DNAH17: variants seen among roughly 807,000 people sequenced by gnomAD.
The protein encoded by DNAH17 is axonemal beta dynein heavy chain 17.
In DNAH17, 376 loss-of-function variants were observed where a neutral mutation model predicts 485.6. The observed-to-expected ratio is 0.77, with a 90% CI of 0.71 to 0.84. DNAH17 has a LOEUF of 0.84. Among genes scored for constraint, DNAH17 ranks in the 40% least tolerant of loss-of-function variants. DNAH17 has a pLI of 0.00. For missense variants in DNAH17, 6,370 were observed against 5,839.3 expected (o/e 1.09, Z -2.96); for synonymous variants, 3,031 against 2,405.9 (o/e 1.26, Z -7.60).
rs2087058586 is a variant in DNAH17 at position 78,441,141 on chromosome 17, A to G, written c.11587T>C (p.Ser3863Pro). 6.2e-7 allele frequency: 1 copy of G among 1,613,824 alleles called. No individual in the cohort carries two copies. Among genetic ancestry groups the G allele is most frequent in the Non-Finnish European group, 8.5e-7 (1 of 1,179,904 alleles). The change falls in exon 72 of 81, where the codon TCT becomes CCT. Residue 3863 changes from serine (S) to proline (P), a missense_variant. Transcript: ENST00000389840. ...KFVEGRSVEF[S>P]KSYEESSPST... Reference sequence around the variant, plus strand: ...GGGCTGCTCTCCTCGTAGGACTTAGAAAACTCAACACTCCGGCCTTCCACG... The same window carrying G: ...GGGCTGCTCTCCTCGTAGGACTTAGGAAACTCAACACTCCGGCCTTCCACG...
In DNAH17 at chr17:78,514,767, A is replaced by G; in HGVS notation, c.4113+7T>C. 1.2e-6 allele frequency: 2 copies of G among 1,613,228 alleles called. No individual in the cohort carries two copies. The highest frequency in any genetic ancestry group is 1.7e-6 in the Non-Finnish European group (2 of 1,179,474). ...CGGTCCCCTCCGCCCACCATGGTGC[A>G]TGGTACCTGGGTGGCCTGCATGAGC... On this transcript the variant is annotated splice_region_variant and intron_variant, in intron 26 of 80. Coordinates refer to ENST00000389840, the MANE Select transcript of DNAH17 (RefSeq NM_173628.4).
At position 78,532,559 on chromosome 17, in the gene DNAH17, T is replaced by A; in HGVS notation, c.3037A>T (p.Thr1013Ser). 6.2e-7 allele frequency: 1 copy of A among 1,610,764 alleles called. No homozygotes were observed. Among genetic ancestry groups the A allele is most frequent in the Non-Finnish European group, 8.5e-7 (1 of 1,178,570 alleles). Residue 1013 changes from threonine (T) to serine (S), a missense_variant, in exon 20 of 81, where the codon ACT becomes TCT. Transcript: ENST00000389840. ...GTCCAGGTGTCCAAGTCCTCCGCAG[T>A]GACTGCACACCCATATATCAGGAAA... is the stretch of plus-strand genomic sequence containing the variant. ...KNFLIYGCAVTAEDLDTWTDD... is the reference protein window; with the variant it reads ...KNFLIYGCAVSAEDLDTWTDD...
chr17:78,450,016 C>G, intron 68 of DNAH17: 5 of 557,030 alleles, frequency 9.0e-6, no homozygotes, highest in South Asian at 4.6e-5. Context: ...CCTGGAGGCA[C>G]CAGGGGAAGA....
chr17:78,507,837 A>G, intron 27 of DNAH17, 32 bp from the exon 28 acceptor site: 1 of 1,498,230 alleles, frequency 6.7e-7, no homozygotes, highest in Non-Finnish European at 8.9e-7. Flanking sequence ...AAGGTCACTG[A>G]GCATTTGGCA....
At chr17:78,425,746 T>C (rs1183910155) in intron 79 of DNAH17, among the ~76,000 whole-genome samples, 175 bp from the exon 80 acceptor site, 1 of 147,512 alleles carries the variant, frequency 6.8e-6, no homozygotes, top group Non-Finnish European at 1.5e-5. Flanking sequence ...TGACGCAACT[T>C]TGGTGTCTGC....
chr17:78,511,688 T>C (rs1163576410), intron 26 of DNAH17, among the ~76,000 whole-genome samples: 1 of 152,260 alleles, frequency 6.6e-6, no homozygotes, highest in Admixed American at 6.5e-5. Context: ...GAGCATTGAT[T>C]CTGAGCCCAC....
chr17:78,569,436 A>G lies in DNAH17; in HGVS notation c.1136T>C (p.Val379Ala). The G allele has an allele frequency of 2.5e-6, 4 of 1,612,636 alleles. No homozygotes were observed. The highest frequency in any genetic ancestry group is 3.4e-6 in the Non-Finnish European group (4 of 1,179,304). Residue 379 changes from valine (V) to alanine (A), a missense_variant, in exon 8 of 81, where the codon GTG (valine) becomes GCG (alanine). Val to Ala is a moderately conservative substitution (Grantham distance 64). Transcript: ENST00000389840. ...VLSGISLAVN[V>A]LKELYQTYDF... ...GTACGTCTGGTAGAGCTCCTTCAGC[A>G]CATTTACAGCCAGGGAGATGCCACT... is the stretch of plus-strand genomic sequence containing the variant.
intron 33 of DNAH17, 193 bp from the exon 34 acceptor site, chr17:78,502,066 G>A (rs1373042773): frequency 4.4e-6 from 3 of 675,810 alleles, no homozygotes; most frequent in Non-Finnish European, 4.9e-6. Context: ...GGGACACCTG[G>A]CAGTGGCTAG....
At chr17:78,538,781 G>A (rs188955558) in intron 18 of DNAH17, among the ~76,000 whole-genome samples, 126 of 152,248 alleles carry the variant, frequency 8.3e-4, no homozygotes, top group Non-Finnish European at 1.5e-3. Flanking sequence ...TTACCAGCTG[G>A]CATCTGAGAC....
At position 78,460,173 on chromosome 17, in the gene DNAH17, T is replaced by C; in HGVS notation, c.9424A>G (p.Thr3142Ala). ...ALLAAQEALDTLNKNNLTELK... is the reference protein window; with the variant it reads ...ALLAAQEALDALNKNNLTELK... The stretch of plus-strand genomic sequence containing the variant: ...CCCTCCCCCTTTACCTTATTCAGAG[T>C]GTCCAGAGCCTCCTGGGCTGCCAGC... The change falls in exon 59 of 81, where the codon ACT becomes GCT. Residue 3142 changes from threonine to alanine, a missense_variant. Physicochemically the swap from Thr to Ala is moderately conservative, Grantham distance 58. Coordinates refer to ENST00000389840, the MANE Select transcript of DNAH17 (RefSeq NM_173628.4). The C allele has an allele frequency of 6.2e-7, 1 of 1,606,212 alleles. No individual in the cohort carries two copies. The highest frequency in any genetic ancestry group is 8.5e-7 in the Non-Finnish European group (1 of 1,175,878).
rs370949369 is a variant in DNAH17 at position 78,525,003 on chromosome 17, A to G, written c.3864+6T>C. On this transcript the variant is annotated splice_donor_region_variant and intron_variant, in intron 25 of 80. Coordinates refer to ENST00000389840, the MANE Select transcript of DNAH17 (RefSeq NM_173628.4). The stretch of plus-strand genomic sequence containing the variant: ...GCCCCACCCACGCGGCGTGCCCTGC[A>G]CTCACCACAACAACCATGTCCCAGA... 5.6e-6 allele frequency: 9 copies of G among 1,610,740 alleles called. No homozygotes were observed. The highest frequency in any genetic ancestry group is 4.5e-5 in the East Asian group (2 of 44,790).
At position 78,427,994 on chromosome 17, in the gene DNAH17, G is replaced by A. The variant is rs535743973; in HGVS notation, c.12588+531C>T. On this transcript the variant is annotated intron_variant, in intron 77 of 80. Coordinates refer to ENST00000389840, the MANE Select transcript of DNAH17 (RefSeq NM_173628.4). ...AAAAAAAAAAAAAAAAAAAAGTGGA[G>A]GTACCCAGGAGGCAGCACAGAGCCA... is the stretch of plus-strand genomic sequence containing the variant. 2.7e-5 allele frequency among the ~76,000 whole-genome samples: 4 copies of A among 148,238 alleles called. No individual in the cohort carries two copies. In the East Asian group the frequency reaches 7.8e-4, roughly 29 times the overall value.
At position 78,425,289 on chromosome 17, in the gene DNAH17, C is replaced by T. The variant is rs1247015277; in HGVS notation, c.13141+57G>A. ...TTGCCAAGAGCTAGTTTTATCTTGT[C>T]TTGGCAAGTAGCACTGGCTCTGGAA... On this transcript the variant is annotated intron_variant, in intron 80 of 80. Transcript: ENST00000389840. 2.6e-6 allele frequency: 4 copies of T among 1,544,526 alleles called. No individual in the cohort carries two copies. The African/African-American group carries it at 4.1e-5, about 16-fold the overall frequency.
intron 9 of DNAH17, among the ~76,000 whole-genome samples, chr17:78,568,871 G>A (rs2092309102): frequency 6.6e-6 from 1 of 152,160 alleles, no homozygotes; most frequent in African/African-American, 2.4e-5. Flanking sequence ...GACTGCTGTT[G>A]GCCCCCAGGC....
chr17:78,551,581 A>G lies in DNAH17; in HGVS notation c.2345T>C (p.Met782Thr), dbSNP rs2091902812. The G allele has an allele frequency of 1.2e-6, 2 of 1,613,964 alleles. No individual in the cohort carries two copies. The highest frequency in any genetic ancestry group is 1.7e-6 in the Non-Finnish European group (2 of 1,179,880). Residue 782 changes from methionine (M) to threonine (T), a missense_variant, in exon 16 of 81, where the codon ATG becomes ACG. Transcript: ENST00000389840. Reference protein sequence around the residue: ...REILHNLQNRMQKAKQNIEGI... With the variant: ...REILHNLQNRTQKAKQNIEGI... The stretch of plus-strand genomic sequence containing the variant: ...TTCTATATTTTGTTTTGCCTTTTGC[A>G]TCCTGTTCTGCAAGTTGTGCAGAAT...
chr17:78,546,506 G>A (rs753065105), intron 16 of DNAH17, among the ~76,000 whole-genome samples: 4 of 152,002 alleles, frequency 2.6e-5, no homozygotes, highest in Non-Finnish European at 5.9e-5. Flanking sequence ...TAGCTTATTT[G>A]CTTTTATATT....
intron 17 of DNAH17, among the ~76,000 whole-genome samples, chr17:78,542,917 C>CG (rs1206513121): frequency 6.6e-6 from 1 of 152,184 alleles, no homozygotes; most frequent in Non-Finnish European, 1.5e-5. Flanking sequence ...TGCCCACCCT[C>CG]GGCAGCTCAT....
intron 75 of DNAH17, among the ~76,000 whole-genome samples, chr17:78,432,589 C>T (rs2086714495): frequency 6.6e-6 from 1 of 152,220 alleles, no homozygotes; most frequent in African/African-American, 2.4e-5. Flanking sequence ...GTCCTCCAGT[C>T]TTGGTGAGGA....
chr17:78,458,816 T>C (rs1018208042), intron 61 of DNAH17, 136 bp from the exon 62 acceptor site: 3 of 1,040,164 alleles, frequency 2.9e-6, no homozygotes, highest in Non-Finnish European at 4.4e-6. Flanking sequence ...CTCTGGAGCA[T>C]GGAGGCTAAG....
Sources: gnomAD v4.1 joint callset for allele counts (sites outside exome capture counted in the v4.1 genomes callset) on GRCh38, gnomAD v4.1.1 for gene constraint, MANE v1.5 for transcripts, NCBI Gene and HGNC (gene_info 2026-07-23, HGNC 2026-07-21) for gene names.